ARK2N: variants seen among roughly 807,000 people sequenced by gnomAD.
The protein encoded by ARK2N is arkadia (RNF111) N-terminal like PKA signaling regulator 2N.
the ARK2N span, among the ~76,000 whole-genome samples, chr18:46,253,245 G>C: frequency 6.6e-6 from 1 of 152,090 alleles, no homozygotes; most frequent in African/African-American, 2.4e-5. Flanking sequence ...TTCTGGTTTA[G>C]AGTTTGGTTC....
the ARK2N span, among the ~76,000 whole-genome samples, chr18:46,178,213 G>C: frequency 6.6e-6 from 1 of 152,202 alleles, no homozygotes; most frequent in Admixed American, 6.5e-5. Context: ...AGTTGCAAAG[G>C]TACCTTATTA....
At chr18:46,199,907 T>C in the ARK2N span, among the ~76,000 whole-genome samples, 1 of 152,304 alleles carries the variant, frequency 6.6e-6, no homozygotes, top group South Asian at 2.1e-4. Context: ...AGAGTTCAGT[T>C]TGTCCTGTGG....
the ARK2N span, among the ~76,000 whole-genome samples, chr18:46,255,676 C>T: frequency 6.6e-6 from 1 of 151,644 alleles, no homozygotes; most frequent in Non-Finnish European, 1.5e-5. Flanking sequence ...GTCTTGAACT[C>T]CTGACCTCAG....
the ARK2N span, among the ~76,000 whole-genome samples, chr18:46,175,793 G>T: frequency 6.6e-6 from 1 of 152,074 alleles, no homozygotes; most frequent in Non-Finnish European, 1.5e-5. Flanking sequence ...GAGCCGTGGC[G>T]CCTGGACTGA....
At chr18:46,253,440 C>T in the ARK2N span, among the ~76,000 whole-genome samples, 6 of 152,076 alleles carry the variant, frequency 3.9e-5, no homozygotes, top group East Asian at 3.8e-4. Context: ...TAAGGAGTAG[C>T]GAGTGAGAGA....
chr18:46,200,979 C>CTT, the ARK2N span, among the ~76,000 whole-genome samples: 21 of 112,850 alleles, frequency 1.9e-4, no homozygotes, highest in African/African-American at 4.3e-4. Context: ...TTTCTTTTTT[C>CTT]TTTTTTTTTT....
At chr18:46,208,993 A>G in the ARK2N span, among the ~76,000 whole-genome samples, 2 of 152,212 alleles carry the variant, frequency 1.3e-5, no homozygotes, top group Non-Finnish European at 2.9e-5. Flanking sequence ...AGCCAGCAAG[A>G]AGATAGGTAC....
chr18:46,213,235 C>T, the ARK2N span, among the ~76,000 whole-genome samples: 1 of 151,770 alleles, frequency 6.6e-6, no homozygotes, highest in Non-Finnish European at 1.5e-5. Flanking sequence ...CTCCTGATCT[C>T]GTGATCCACC....
chr18:46,197,481 A>G, the ARK2N span, among the ~76,000 whole-genome samples: 4 of 152,120 alleles, frequency 2.6e-5, no homozygotes, highest in South Asian at 6.2e-4. Flanking sequence ...GGATCCACCC[A>G]CCTTGGCCTC....
At chr18:46,207,118 C>T in the ARK2N span, among the ~76,000 whole-genome samples, 7 of 152,088 alleles carry the variant, frequency 4.6e-5, no homozygotes, top group East Asian at 1.4e-3. Context: ...ATCCTTCTGA[C>T]GCTACTCAGT....
the ARK2N span, chr18:46,216,879 C>G: frequency 1.2e-5 from 4 of 335,404 alleles, no homozygotes; most frequent in Non-Finnish European, 1.7e-5. This position sits in a 1 kb window ranked among gnomAD's most constrained non-coding sequence, Gnocchi z 4.3. Flanking sequence ...AACACATTAC[C>G]TGAACTCCCA....
chr18:46,176,442 ATG>A, the ARK2N span, among the ~76,000 whole-genome samples: 5 of 151,166 alleles, frequency 3.3e-5, no homozygotes, highest in Admixed American at 6.6e-5. Context: ...AAGGTGAAAA[ATG>A]TGTGTGTGTG....
the ARK2N span, among the ~76,000 whole-genome samples, chr18:46,185,248 T>A: frequency 9.1e-4 from 139 of 152,320 alleles, 2 homozygotes; most frequent in African/African-American, 3.1e-3. Flanking sequence ...AGATGCAACA[T>A]AGAGGGCTGA....
the ARK2N span, chr18:46,231,725 G>A: frequency 6.6e-6 from 1 of 151,024 alleles, no homozygotes; most frequent in South Asian, 2.1e-4. Context: ...ATTTACATAC[G>A]ATTTTTCTTT....
the ARK2N span, chr18:46,219,116 TAG>T: frequency 6.6e-6 from 1 of 152,212 alleles, no homozygotes; most frequent in African/African-American, 2.4e-5. Context: ...CATATTCTTT[TAG>T]AGAGTGCAAA....
At chr18:46,237,497 C>T in the ARK2N span, among the ~76,000 whole-genome samples, 1 of 151,198 alleles carries the variant, frequency 6.6e-6, no homozygotes, top group African/African-American at 2.4e-5. Flanking sequence ...AAGTGATTCT[C>T]GTGCCTCAGC....
At chr18:46,238,646 CTGTT>C in the ARK2N span, among the ~76,000 whole-genome samples, 1 of 152,104 alleles carries the variant, frequency 6.6e-6, no homozygotes, top group Non-Finnish European at 1.5e-5. Flanking sequence ...TGTGACATGT[CTGTT>C]CTTTATACAG....
the ARK2N span, among the ~76,000 whole-genome samples, chr18:46,187,305 A>G: frequency 6.6e-6 from 1 of 150,848 alleles, no homozygotes. Context: ...CAAACAAAAA[A>G]TCAGCAGTAG....
At chr18:46,186,662 G>A in the ARK2N span, among the ~76,000 whole-genome samples, 8 of 151,500 alleles carry the variant, frequency 5.3e-5, no homozygotes. Context: ...CCGCCACCAC[G>A]CCCAGCTAAT....
Sources: allele counts gnomAD v4.1 joint callset (sites outside exome capture counted in the v4.1 genomes callset), GRCh38; gene constraint gnomAD v4.1.1; non-coding constraint Gnocchi (gnomAD v3.1); transcripts MANE v1.5; gene names NCBI Gene and HGNC (gene_info 2026-07-23, HGNC 2026-07-21).